CNIH3: variants seen among roughly 807,000 people sequenced by gnomAD.
The protein encoded by CNIH3 is protein cornichon homolog 3.
CNIH3 carries 14 observed loss-of-function variants against 24.1 expected under a neutral mutation model. The ratio of observed to expected loss-of-function variants is 0.58; its 90% CI spans 0.38 to 0.91. The LOEUF (loss-of-function observed/expected upper bound fraction) is 0.91. Ranked by LOEUF, CNIH3 falls within the 40% of genes least tolerant of loss-of-function variation. CNIH3 has a pLI of 0.00. For synonymous variants in CNIH3, 68 were observed against 73.8 expected (o/e 0.92, Z 0.40); for missense variants, 178 against 196.8 (o/e 0.90, Z 0.57).
At chr1:224,482,854 A>G (rs894801661) in intron 1 of CNIH3, among the ~76,000 whole-genome samples, 2 of 152,078 alleles carry the variant, frequency 1.3e-5, no homozygotes, top group Admixed American at 6.5e-5. Flanking sequence ...CAGTCTTTCA[A>G]GTTAATTTAG....
Position 224,624,314 on chromosome 1 carries a change from C to G in CNIH3, c.81+7059C>G, listed in dbSNP as rs150722138. Among the ~76,000 whole-genome samples the G allele has an allele frequency of 2.2e-3, 333 of 152,292 alleles. 2 individuals carry two copies. Among genetic ancestry groups the G allele is most frequent in the African/African-American group, 7.1e-3 (295 of 41,566 alleles). On this transcript the variant is annotated intron_variant, in intron 1 of 5. Transcript: ENST00000272133. ...GTTTTTCTGGGGCCCTGTTTCTCCT[C>G]CATCTCCCCTGTGGGTTCTTCTTTC...
chr1:224,534,095 G>A (rs369027828), intron 2 of CNIH3, among the ~76,000 whole-genome samples: 1 of 152,214 alleles, frequency 6.6e-6, no homozygotes. Flanking sequence ...AGCCTCGGAG[G>A]TTGAGGCTTC....
chr1:224,705,850 C>CTTTTTTTTTTTTTTTTTTTTT (rs61128987), intron 3 of CNIH3, among the ~76,000 whole-genome samples: 3 of 90,208 alleles, frequency 3.3e-5, no homozygotes, highest in African/African-American at 7.1e-5. Context: ...TCTTTCTTTT[C>CTTTTTTTTTTTTTTTTTTTTT]TTTTTTTTCT....
chr1:224,548,112 T>G (rs952578666), intron 3 of CNIH3, among the ~76,000 whole-genome samples: 4 of 152,192 alleles, frequency 2.6e-5, no homozygotes, highest in Middle Eastern at 6.8e-3. Flanking sequence ...TTATAACGTA[T>G]AAGGGAGATA....
intron 1 of CNIH3, among the ~76,000 whole-genome samples, chr1:224,650,214 G>T (rs2125103628): frequency 6.6e-6 from 1 of 152,208 alleles, no homozygotes; most frequent in East Asian, 1.9e-4. Context: ...GGGGTGGCTT[G>T]GGAGACTGGA....
chr1:224,663,720 A>G (rs1239266416), intron 1 of CNIH3, among the ~76,000 whole-genome samples: 1 of 152,242 alleles, frequency 6.6e-6, no homozygotes, highest in African/African-American at 2.4e-5. Flanking sequence ...TCTGGTACCC[A>G]TAAAAGACAC....
chr1:224,532,752 T>C (rs575029954), intron 2 of CNIH3, among the ~76,000 whole-genome samples: 1 of 152,250 alleles, frequency 6.6e-6, no homozygotes. Flanking sequence ...GCAGGAATAA[T>C]ACCATCACCA....
intron 1 of CNIH3, among the ~76,000 whole-genome samples, chr1:224,644,330 C>T (rs1684497352): frequency 6.6e-6 from 1 of 152,152 alleles, no homozygotes; most frequent in Non-Finnish European, 1.5e-5. Flanking sequence ...CCTACCTTAA[C>T]CTTCCGAGTA....
At chr1:224,450,535 G>A (rs1448825173) in intron 1 of CNIH3, among the ~76,000 whole-genome samples, 1 of 152,144 alleles carries the variant, frequency 6.6e-6, no homozygotes, top group Non-Finnish European at 1.5e-5. Context: ...GGGTAAGAAC[G>A]AACTGACTTT....
chr1:224,517,375 C>T (rs1010300983), intron 1 of CNIH3, among the ~76,000 whole-genome samples: 6 of 152,150 alleles, frequency 3.9e-5, no homozygotes, highest in African/African-American at 1.2e-4. Context: ...TGGGGCTGAT[C>T]TCAACCCCAC....
intron 1 of CNIH3, among the ~76,000 whole-genome samples, chr1:224,656,332 G>A (rs896296526): frequency 2.0e-5 from 3 of 152,182 alleles, no homozygotes; most frequent in Non-Finnish European, 4.4e-5. Flanking sequence ...GTAATTAACA[G>A]CATCGATAAA....
intron 3 of CNIH3, among the ~76,000 whole-genome samples, chr1:224,721,824 A>G (rs545445189): frequency 1.1e-4 from 17 of 152,280 alleles, no homozygotes; most frequent in African/African-American, 3.6e-4. Context: ...ATCCGGCCAG[A>G]ACTGGAGGGG....
At chr1:224,662,819 C>T (rs1166914401) in intron 1 of CNIH3, among the ~76,000 whole-genome samples, 1 of 152,168 alleles carries the variant, frequency 6.6e-6, no homozygotes, top group African/African-American at 2.4e-5. Flanking sequence ...TGCAAACTCA[C>T]CAGTTTATGA....
chr1:224,503,670 C>T (rs941362397), intron 1 of CNIH3, among the ~76,000 whole-genome samples: 1 of 152,214 alleles, frequency 6.6e-6, no homozygotes, highest in African/African-American at 2.4e-5. Flanking sequence ...TGGTGTTTAG[C>T]AAGGGGAGGT....
At chr1:224,471,445 A>G (rs1420191583) in intron 1 of CNIH3, among the ~76,000 whole-genome samples, 1 of 152,060 alleles carries the variant, frequency 6.6e-6, no homozygotes, top group Non-Finnish European at 1.5e-5. Context: ...TGTACGCTCT[A>G]TCTCCATGAG....
chr1:224,493,123 T>C (rs551515407), intron 1 of CNIH3, among the ~76,000 whole-genome samples: 2 of 152,374 alleles, frequency 1.3e-5, no homozygotes, highest in South Asian at 4.1e-4. Context: ...AAAGGTACTT[T>C]AAGCCTAGAA....
At chr1:224,708,042 T>C (rs1687919126) in intron 3 of CNIH3, among the ~76,000 whole-genome samples, 1 of 152,122 alleles carries the variant, frequency 6.6e-6, no homozygotes, top group African/African-American at 2.4e-5. Flanking sequence ...CTGTCTCTGG[T>C]CACGCTGCCT....
chr1:224,454,725 G>A (rs901088484), intron 1 of CNIH3, among the ~76,000 whole-genome samples: 2 of 152,100 alleles, frequency 1.3e-5, no homozygotes, highest in African/African-American at 2.4e-5. Flanking sequence ...GAAGAGAATC[G>A]GCCTCTGGTA....
At chr1:224,665,944 C>A (rs1039702185) in intron 1 of CNIH3, among the ~76,000 whole-genome samples, 2 of 152,156 alleles carry the variant, frequency 1.3e-5, no homozygotes, top group Non-Finnish European at 2.9e-5. Context: ...AGTCAGGTGA[C>A]TCTCAACTGG....
Sources: gnomAD v4.1 joint callset for allele counts (sites outside exome capture counted in the v4.1 genomes callset) on GRCh38, gnomAD v4.1.1 for gene constraint, MANE v1.5 for transcripts, NCBI Gene and HGNC (gene_info 2026-07-23, HGNC 2026-07-21) for gene names.